Variants in GALNT17 observed in about 807,000 individuals in gnomAD.
GALNT17 encodes the protein polypeptide N-acetylgalactosaminyltransferase 17.
Under a neutral mutation model 63.7 loss-of-function variants are expected in GALNT17, and 29 were observed. The observed-to-expected ratio is 0.46, with a 90% CI of 0.34 to 0.62. The LOEUF is 0.62. GALNT17 is among the 20% of genes least tolerant of loss of function. GALNT17 has a pLI of 0.01. For synonymous variants in GALNT17, 305 were observed against 318.3 expected, an observed-to-expected ratio of 0.96 and a Z score of 0.45; for missense variants, 603 against 799.6, an observed-to-expected ratio of 0.75 and a Z score of 2.97.
rs182914377 is a variant in GALNT17 at position 71,237,920 on chromosome 7, C to T, written c.239-97630C>T. Among the ~76,000 whole-genome samples the T allele has an allele frequency of 2.4e-4, 36 of 152,244 alleles. 1 individual carries two copies. The East Asian group carries it at 6.6e-3, about 28-fold the overall frequency. On this transcript the variant is annotated intron_variant, in intron 1 of 10. Transcript: ENST00000333538. ...TGATGGGGATGCGTTAGGGGGCACCCGTTTCTATCCTTGCTGAGTTTGAAA... is the reference window on the plus strand; with the variant it reads ...TGATGGGGATGCGTTAGGGGGCACCTGTTTCTATCCTTGCTGAGTTTGAAA...
chr7:71,229,982 C>T (rs1027544701), intron 1 of GALNT17, among the ~76,000 whole-genome samples: 2 of 152,160 alleles, frequency 1.3e-5, no homozygotes, highest in African/African-American at 4.8e-5. Flanking sequence ...CATTGCCCAG[C>T]ACAGGCCTTG....
intron 6 of GALNT17, among the ~76,000 whole-genome samples, chr7:71,584,570 C>T (rs1331522592): frequency 6.6e-6 from 1 of 152,096 alleles, no homozygotes; most frequent in Non-Finnish European, 1.5e-5. Flanking sequence ...TAAAATTACA[C>T]TTAGGAAAAT....
chr7:71,647,229 A>ATTTTTTTTTTTTTTTTTTTTTTTTT (rs5884850), intron 6 of GALNT17, among the ~76,000 whole-genome samples: 8 of 137,512 alleles, frequency 5.8e-5, no homozygotes, highest in African/African-American at 1.6e-4. Flanking sequence ...GTGCCCAGCT[A>ATTTTTTTTTTTTTTTTTTTTTTTTT]TTTTTTTTTT....
At chr7:71,709,632 C>G (rs1373373902) in intron 9 of GALNT17, among the ~76,000 whole-genome samples, 1 of 151,438 alleles carries the variant, frequency 6.6e-6, no homozygotes, top group Admixed American at 6.6e-5. Flanking sequence ...GAGCCTCACT[C>G]TGTTGCCCAG....
At chr7:71,598,278 T>G (rs1012887415) in intron 6 of GALNT17, among the ~76,000 whole-genome samples, 12 of 152,266 alleles carry the variant, frequency 7.9e-5, no homozygotes, top group African/African-American at 2.4e-4. Context: ...TAGAAGTCAT[T>G]TTCTAATTCA....
At chr7:71,178,028 C>T (rs1459534762) in intron 1 of GALNT17, among the ~76,000 whole-genome samples, 3 of 152,122 alleles carry the variant, frequency 2.0e-5, no homozygotes, top group Non-Finnish European at 4.4e-5. Context: ...CTCCTGTATA[C>T]CTGAGATACC....
intron 5 of GALNT17, among the ~76,000 whole-genome samples, chr7:71,513,364 G>GT (rs1318866632): frequency 2.0e-3 from 303 of 150,780 alleles, no homozygotes; most frequent in African/African-American, 5.6e-3. Context: ...TTCCCTTGGT[G>GT]TTTTTTTTTG....
At chr7:71,653,023 TTTTTG>T (rs1364717149) in intron 6 of GALNT17, among the ~76,000 whole-genome samples, 22 of 151,732 alleles carry the variant, frequency 1.4e-4, no homozygotes, top group South Asian at 2.1e-4. Context: ...TTTGTTTTTG[TTTTTG>T]TTTTTTTTGA....
At chr7:71,675,848 C>T (rs1288233350) in intron 8 of GALNT17, among the ~76,000 whole-genome samples, 4 of 151,926 alleles carry the variant, frequency 2.6e-5, no homozygotes, top group Non-Finnish European at 4.4e-5. Flanking sequence ...ATTAACTGGG[C>T]GTGGTAGCGG....
intron 1 of GALNT17, among the ~76,000 whole-genome samples, chr7:71,151,119 T>C (rs964870175): frequency 6.6e-6 from 1 of 152,204 alleles, no homozygotes; most frequent in Non-Finnish European, 1.5e-5. Flanking sequence ...TTATCTGTTA[T>C]AGCAGCTAGT....
In GALNT17 at chr7:71,200,561, A is replaced by G. The variant is rs144245610; in HGVS notation, c.238+67521A>G. ...AAGTGTTCAAAAACTTGAGTTATAA[A>G]CTTTTCTTAAAATACCTGAATTATT... On this transcript the variant is annotated intron_variant, in intron 1 of 10. Transcript: ENST00000333538. Among the ~76,000 whole-genome samples, 444 of 152,206 alleles carry G rather than the reference A, an allele frequency of 2.9e-3. 2 individuals carry two copies. Among genetic ancestry groups the G allele is most frequent in the Non-Finnish European group, 3.8e-3 (260 of 68,010 alleles).
chr7:71,538,653 G>A (rs1788838985), intron 5 of GALNT17, among the ~76,000 whole-genome samples: 1 of 152,142 alleles, frequency 6.6e-6, no homozygotes, highest in Non-Finnish European at 1.5e-5. Context: ...TGTGGTGGCA[G>A]GAACAGCTTT....
chr7:71,261,354 C>T (rs1006920681), intron 1 of GALNT17, among the ~76,000 whole-genome samples: 8 of 151,900 alleles, frequency 5.3e-5, no homozygotes, highest in African/African-American at 1.7e-4. Flanking sequence ...TCAGAGCCAC[C>T]GGAGCAAAAA....
intron 5 of GALNT17, among the ~76,000 whole-genome samples, chr7:71,432,897 C>T (rs1786893495): frequency 6.6e-6 from 1 of 152,152 alleles, no homozygotes; most frequent in Non-Finnish European, 1.5e-5. Context: ...GCAACCTCCA[C>T]CTTCTGGGTT....
chr7:71,350,500 G>GA (rs946972013), intron 2 of GALNT17, among the ~76,000 whole-genome samples: 3 of 149,732 alleles, frequency 2.0e-5, no homozygotes, highest in Admixed American at 1.3e-4. Context: ...AAAAATACTA[G>GA]AAAAAAAATA....
In GALNT17 at chr7:71,592,571, A is replaced by AT. The variant is rs1321745075; in HGVS notation, c.1080+21169_1080+21170insT. ...TAGCATAGCATAGCATACTAAAATA[A>AT]AATAAAATAAAATAAAATAAAATAA... On this transcript the variant is annotated intron_variant, in intron 6 of 10. Coordinates refer to ENST00000333538, the MANE Select transcript of GALNT17 (RefSeq NM_022479.3). Among the ~76,000 whole-genome samples, 163 of 96,790 alleles carry AT rather than the reference A, an allele frequency of 1.7e-3. 2 individuals carry two copies. In the East Asian group the frequency reaches 0.029, roughly 17 times the overall value. 63.5% of individuals were successfully genotyped at this position (96,790 alleles called of 152,430 possible).
rs369808592 is a variant in GALNT17 at position 71,137,109 on chromosome 7, G to A, written c.238+4069G>A. Among the ~76,000 whole-genome samples the A allele has an allele frequency of 2.9e-4, 41 of 143,634 alleles. No homozygotes were observed. The East Asian group carries it at 4.4e-3, about 15-fold the overall frequency. The allele number at this position is 143,634 out of a possible 152,430, so 94.2% of individuals were successfully genotyped here. A position where few individuals can be genotyped will look rare whatever the true frequency, so the allele number is the denominator to read the frequency against. ...GGTGTGAGCCACAGCGCCTTGATAG[G>A]CCTTTTAAGGGCTGGAATCATATTT... On this transcript the variant is annotated intron_variant, in intron 1 of 10. Transcript: ENST00000333538.
chr7:71,530,173 C>A (rs909153910), intron 5 of GALNT17, among the ~76,000 whole-genome samples: 6 of 152,152 alleles, frequency 3.9e-5, no homozygotes, highest in African/African-American at 1.4e-4. Context: ...GGGGGCAAGT[C>A]CTGGGTCCCT....
At chr7:71,568,112 G>T (rs887493220) in intron 5 of GALNT17, among the ~76,000 whole-genome samples, 1 of 152,330 alleles carries the variant, frequency 6.6e-6, no homozygotes, top group East Asian at 1.9e-4. Context: ...GCCCAGGGAA[G>T]CACCTTAACG....
Sources: gnomAD v4.1 joint callset for allele counts (sites outside exome capture counted in the v4.1 genomes callset) on GRCh38, gnomAD v4.1.1 for gene constraint, MANE v1.5 for transcripts, NCBI Gene and HGNC (gene_info 2026-07-23, HGNC 2026-07-21) for gene names.